The following PRKAG2 variants were observed in gnomAD, a reference collection of about 807,000 sequenced individuals.
PRKAG2 encodes the protein protein kinase AMP-activated non-catalytic subunit gamma 2.
In PRKAG2, 26 loss-of-function variants were observed where a neutral mutation model predicts 69.6. The ratio of observed to expected loss-of-function variants is 0.37; its 90% CI spans 0.27 to 0.52. The LOEUF (loss-of-function observed/expected upper bound fraction) is 0.52, where lower values mean the gene tolerates loss of function less well. PRKAG2 is among the 20% of genes least tolerant of loss of function. The pLI is 0.90. For synonymous variants in PRKAG2, 293 were observed against 285.0 expected, an observed-to-expected ratio of 1.03 and a Z score of -0.28; for missense variants, 557 against 740.0, an observed-to-expected ratio of 0.75 and a Z score of 2.87.
intron 3 of PRKAG2, among the ~76,000 whole-genome samples, chr7:151,747,412 C>T (rs1474707133): frequency 1.3e-5 from 2 of 152,118 alleles, no homozygotes; most frequent in African/African-American, 4.8e-5. Context: ...CAAAAATTAG[C>T]CGGGCGTGGT....
At chr7:151,746,104 A>T (rs1290380612) in intron 3 of PRKAG2, among the ~76,000 whole-genome samples, 1 of 152,240 alleles carries the variant, frequency 6.6e-6, no homozygotes, top group African/African-American at 2.4e-5. Flanking sequence ...CAAGTGCTGA[A>T]GTGAGCTGGG....
At chr7:151,717,998 A>G (rs960859095) in intron 3 of PRKAG2, among the ~76,000 whole-genome samples, 2 of 151,926 alleles carry the variant, frequency 1.3e-5, no homozygotes, top group Non-Finnish European at 2.9e-5. Flanking sequence ...GAGTGGGGGG[A>G]AGGGGCTCTG....
Position 151,781,166 on chromosome 7 carries a change from G to A in PRKAG2, c.452C>T (p.Ser151Phe), listed in dbSNP as rs1462809883. 2 of 1,613,952 alleles carry A rather than the reference G, an allele frequency of 1.2e-6. No individual in the cohort carries two copies. The highest frequency in any genetic ancestry group is 1.7e-6 in the Non-Finnish European group (2 of 1,180,034). ...CAAGGTCTTACTTTTTCTGGAGCGG[G>A]AGAAAAACCTGATGCCCCCGGGCGA... is the stretch of plus-strand genomic sequence containing the variant. ...ATSPGGIRFF[S>F]RSRKTSGLSS... Residue 151 changes from serine to phenylalanine, a missense_variant, in exon 3 of 16, where the codon TCC becomes TTC. Physicochemically the swap from Ser to Phe is radical, Grantham distance 155 (BLOSUM62 -2). Coordinates refer to ENST00000287878, the MANE Select transcript of PRKAG2 (RefSeq NM_016203.4). The surrounding 1 kb of genome is among the most constrained non-coding windows in gnomAD (Gnocchi z 6.1).
At chr7:151,749,570 A>G (rs1288770434) in intron 3 of PRKAG2, among the ~76,000 whole-genome samples, 1 of 152,242 alleles carries the variant, frequency 6.6e-6, no homozygotes, top group African/African-American at 2.4e-5. Flanking sequence ...CATATATCTG[A>G]TAAGTGTCTA....
At position 151,668,911 on chromosome 7, in the gene PRKAG2, C is replaced by G. The variant is rs114585186; in HGVS notation, c.684+6509G>C. On this transcript the variant is annotated intron_variant, in intron 4 of 15. Coordinates refer to ENST00000287878, the MANE Select transcript of PRKAG2 (RefSeq NM_016203.4). ...ATTCCTAGGAGAAAAAGATGGGGAG[C>G]ATGGGAGTGACTGCTGTGGAAGGAA... Among the ~76,000 whole-genome samples, 445 of 152,296 alleles carry G rather than the reference C, an allele frequency of 2.9e-3. 2 individuals are homozygous for G. Among genetic ancestry groups the G allele is most frequent in the African/African-American group, 0.01 (417 of 41,558 alleles).
chr7:151,672,735 T>C (rs112882867), intron 4 of PRKAG2, among the ~76,000 whole-genome samples: 9 of 152,304 alleles, frequency 5.9e-5, no homozygotes, highest in African/African-American at 2.2e-4. Context: ...CTGGGTACTA[T>C]TCCATCATCT....
intron 3 of PRKAG2, among the ~76,000 whole-genome samples, chr7:151,697,190 G>C (rs375163372): frequency 2.0e-5 from 3 of 152,168 alleles, no homozygotes; most frequent in Admixed American, 6.5e-5. Flanking sequence ...GCTGGGGAAC[G>C]GGGGGTGGTG....
intron 1 of PRKAG2, among the ~76,000 whole-genome samples, chr7:151,844,202 C>CA (rs2079376116): frequency 6.6e-6 from 1 of 152,214 alleles, no homozygotes; most frequent in African/African-American, 2.4e-5. Context: ...CAGTGTCCCT[C>CA]AGAGACTGGT....
intron 6 of PRKAG2, among the ~76,000 whole-genome samples, chr7:151,579,675 A>C (rs1474854354): frequency 3.3e-5 from 5 of 152,166 alleles, no homozygotes; most frequent in African/African-American, 7.2e-5. Context: ...ACATAGGTCA[A>C]TTTCAACAAG....
chr7:151,777,967 G>A lies in PRKAG2; in HGVS notation c.466+3185C>T, dbSNP rs80287406. The stretch of plus-strand genomic sequence containing the variant: ...GGTCACAAGACTTGCAACTTCCCCA[G>A]TTGCTCCTGTAGATAGTATCACTAT... On this transcript the variant is annotated intron_variant, in intron 3 of 15. Coordinates refer to ENST00000287878, the MANE Select transcript of PRKAG2 (RefSeq NM_016203.4). This position sits in a 1 kb window ranked among gnomAD's most constrained non-coding sequence, Gnocchi z 4.3. Among the ~76,000 whole-genome samples the A allele has an allele frequency of 5.3e-3, 809 of 152,260 alleles. 3 individuals carry two copies. Among genetic ancestry groups the A allele is most frequent in the African/African-American group, 6.4e-3 (267 of 41,554 alleles).
At chr7:151,855,126 T>C (rs186926928) in intron 1 of PRKAG2, among the ~76,000 whole-genome samples, 1,882 of 5,380 alleles carry the variant, frequency 0.35, 477 homozygotes, top group Middle Eastern at 0.5. Flanking sequence ...ACACACACCA[T>C]CCTCCACACA....
chr7:151,779,919 G>A lies in PRKAG2; in HGVS notation c.466+1233C>T, dbSNP rs527716487. 3.9e-5 allele frequency among the ~76,000 whole-genome samples: 6 copies of A among 152,268 alleles called. No individual in the cohort carries two copies. In the South Asian group the frequency reaches 1.0e-3, roughly 26 times the overall value. ...GACGATGTTTATACAAGGAGATGGGGAAAGAAAGGGGCACCTTAAGGCTAA... is the reference window on the plus strand; with the variant it reads ...GACGATGTTTATACAAGGAGATGGGAAAAGAAAGGGGCACCTTAAGGCTAA... On this transcript the variant is annotated intron_variant, in intron 3 of 15. Transcript: ENST00000287878.
intron 5 of PRKAG2, among the ~76,000 whole-genome samples, 191 bp from the exon 6 acceptor site, chr7:151,595,645 G>A (rs1294247765): frequency 2.0e-5 from 3 of 152,118 alleles, no homozygotes; most frequent in Admixed American, 6.5e-5. Context: ...GTCCCAGATG[G>A]TGAAATAAGG....
intron 4 of PRKAG2, among the ~76,000 whole-genome samples, chr7:151,655,369 C>T (rs1667598916): frequency 6.6e-6 from 1 of 152,178 alleles, no homozygotes; most frequent in Admixed American, 6.5e-5. Flanking sequence ...TGCTGCTGGA[C>T]CCTAACACAG....
chr7:151,691,598 A>G (rs192488531), intron 3 of PRKAG2, among the ~76,000 whole-genome samples: 2 of 152,326 alleles, frequency 1.3e-5, no homozygotes, highest in East Asian at 3.9e-4. Context: ...GGCTATATAC[A>G]TTAAAACTAC....
At chr7:151,604,373 C>T (rs1218184382) in intron 5 of PRKAG2, among the ~76,000 whole-genome samples, 4 of 152,100 alleles carry the variant, frequency 2.6e-5, no homozygotes, top group Non-Finnish European at 4.4e-5. Context: ...ACAGTGGCTC[C>T]CACCTGTAAT....
At chr7:151,867,775 C>A (rs1181770555) in intron 1 of PRKAG2, among the ~76,000 whole-genome samples, 2 of 152,192 alleles carry the variant, frequency 1.3e-5, no homozygotes, top group African/African-American at 4.8e-5. Context: ...CCAGCACTAA[C>A]CCTGCGTAAA....
intron 1 of PRKAG2, among the ~76,000 whole-genome samples, chr7:151,789,440 TTCCC>T (rs2077167038): frequency 6.6e-6 from 1 of 152,182 alleles, no homozygotes; most frequent in Non-Finnish European, 1.5e-5. Flanking sequence ...TCTCACCCAG[TTCCC>T]TCTTGGGCCA....
intron 6 of PRKAG2, among the ~76,000 whole-genome samples, chr7:151,582,032 T>C (rs75885547): frequency 0.15 from 23,486 of 152,190 alleles, 1,984 homozygotes; most frequent in African/African-American, 0.21. Flanking sequence ...TGATCACGCG[T>C]GCTGAATCAA....
Sources: allele counts gnomAD v4.1 joint callset (sites outside exome capture counted in the v4.1 genomes callset), GRCh38; gene constraint gnomAD v4.1.1; non-coding constraint Gnocchi (gnomAD v3.1); transcripts MANE v1.5; gene names NCBI Gene and HGNC (gene_info 2026-07-23, HGNC 2026-07-21).